ROBO3: variants seen among roughly 807,000 people sequenced by gnomAD.
The protein encoded by ROBO3 is roundabout guidance receptor 3, also known as roundabout homolog 3.
Under a neutral mutation model 160.5 loss-of-function variants are expected in ROBO3, and 97 were observed. That is an observed-to-expected ratio of 0.60 (90% CI 0.51 to 0.72). The LOEUF (loss-of-function observed/expected upper bound fraction) is 0.72, where lower values mean the gene tolerates loss of function less well. Among genes scored for constraint, ROBO3 ranks in the 30% least tolerant of loss-of-function variants. ROBO3 has a pLI of 0.00. For synonymous variants in ROBO3, 780 were observed against 746.2 expected (o/e 1.05, Z -0.74); for missense variants, 1,858 against 1,846.5 (o/e 1.01, Z -0.11).
chr11:124,880,519 A>G lies in ROBO3; in HGVS notation c.4060A>G (p.Ser1354Gly), dbSNP rs910712963. The G allele has an allele frequency of 6.3e-7, 1 of 1,581,122 alleles. No homozygotes were observed. Among genetic ancestry groups the G allele is most frequent in the African/African-American group, 1.4e-5 (1 of 73,908 alleles). ...CAGCAACTCTTCCAGGGGCTCCAGCAGCTCTAGGGGCTCCCGGGGCCCTGG... is the reference window on the plus strand; with the variant it reads ...CAGCAACTCTTCCAGGGGCTCCAGCGGCTCTAGGGGCTCCCGGGGCCCTGG... ...AGSNSSRGSSSSRGSRGPGRS... is the reference protein window; with the variant it reads ...AGSNSSRGSSGSRGSRGPGRS... The change falls in exon 27 of 28, where the codon AGC (serine) becomes GGC (glycine). Residue 1354 changes from serine to glycine, a missense_variant. Transcript: ENST00000397801.
At position 124,870,018 on chromosome 11, in the gene ROBO3, C is replaced by T. The variant is rs765531515; in HGVS notation, c.716C>T (p.Ser239Phe). ...GCAGGCATGTATGTGTGCGTAGCCT[C>T]CAACATGGCGGGAGAACGGGAGAGT... ...SDAGMYVCVA[S>F]NMAGERESAA... Residue 239 changes from serine (S) to phenylalanine (F), a missense_variant, in exon 4 of 28, where the codon TCC (serine) becomes TTC (phenylalanine). Transcript: ENST00000397801. 20 of 1,614,042 alleles carry T rather than the reference C, an allele frequency of 1.2e-5. No homozygotes were observed. The South Asian group carries it at 2.1e-4, about 17-fold the overall frequency.
chr11:124,876,730 A>G lies in ROBO3; in HGVS notation c.2779+270A>G. On this transcript the variant is annotated intron_variant, in intron 17 of 27. Transcript: ENST00000397801. This position sits in a 1 kb window ranked among gnomAD's most constrained non-coding sequence, Gnocchi z 5.3. The stretch of plus-strand genomic sequence containing the variant: ...GGCCAGGCTTTGCAACCATCTCCAT[A>G]AAGAAGGGGCAAGTTCGAGGACGGA... 7.2e-6 allele frequency: 2 copies of G among 277,902 alleles called. No individual in the cohort carries two copies. The highest frequency in any genetic ancestry group is 8.7e-5 in the East Asian group (1 of 11,444). The allele number at this position is 277,902 out of a possible 1,614,324, so 17.2% of individuals were successfully genotyped here. A position where few individuals can be genotyped will look rare whatever the true frequency, so the allele number is the denominator to read the frequency against.
In ROBO3 at chr11:124,866,086, G is replaced by C. The variant is rs573991775; in HGVS notation, c.160+349G>C. On this transcript the variant is annotated intron_variant, in intron 1 of 27. Coordinates refer to ENST00000397801, the MANE Select transcript of ROBO3 (RefSeq NM_022370.4). Reference sequence around the variant, plus strand: ...CCAGCGCAGGGAGGGCAGAGGAGGGGGCACAGTCTCCCGCCGGCCTCGGCC... The same window carrying C: ...CCAGCGCAGGGAGGGCAGAGGAGGGCGCACAGTCTCCCGCCGGCCTCGGCC... Among the ~76,000 whole-genome samples the C allele has an allele frequency of 3.9e-5, 6 of 152,332 alleles. No individual in the cohort carries two copies. In the South Asian group the frequency reaches 1.2e-3, roughly 32 times the overall value.
In ROBO3 at chr11:124,879,899, A is replaced by G; in HGVS notation, c.3909A>G (p.Lys1303=). Residue 1303 remains lysine, a synonymous_variant, in exon 26 of 28, where the codon AAA becomes AAG. Coordinates refer to ENST00000397801, the MANE Select transcript of ROBO3 (RefSeq NM_022370.4). ...SLERERSGER[K]AVQAVPLAAQ... is the part of the protein sequence containing the mutation. ...AGCGGGAGCGCAGTGGGGAGAGGAAAGCGGTCCAGGCCGTGCCCCTGGCAG... is the reference window on the plus strand; with the variant it reads ...AGCGGGAGCGCAGTGGGGAGAGGAAGGCGGTCCAGGCCGTGCCCCTGGCAG... The G allele has an allele frequency of 6.2e-7, 1 of 1,609,592 alleles. No homozygotes were observed. The highest frequency in any genetic ancestry group is 8.5e-7 in the Non-Finnish European group (1 of 1,178,396).
chr11:124,871,732 G>C (rs1303599613), intron 7 of ROBO3, among the ~76,000 whole-genome samples: 1 of 152,212 alleles, frequency 6.6e-6, no homozygotes, highest in Non-Finnish European at 1.5e-5. Context: ...GCAAGATAAA[G>C]TAAGTATGAT....
At chr11:124,880,927 C>T (rs1946566114) in intron 27 of ROBO3, among the ~76,000 whole-genome samples, 2 of 152,110 alleles carry the variant, frequency 1.3e-5, no homozygotes, top group South Asian at 4.1e-4. Context: ...GTGGTATGCT[C>T]CTGTAGTCCC....
intron 7 of ROBO3, among the ~76,000 whole-genome samples, 169 bp downstream of exon 7, chr11:124,871,307 G>T (rs1946277754): frequency 6.6e-6 from 1 of 152,208 alleles, no homozygotes; most frequent in South Asian, 2.1e-4. Flanking sequence ...AATATAAAAG[G>T]CCTGGAACAC....
At position 124,874,093 on chromosome 11, in the gene ROBO3, G is replaced by A. The variant is rs775868268; in HGVS notation, c.1808G>A (p.Arg603His). 18 of 1,613,822 alleles carry A rather than the reference G, an allele frequency of 1.1e-5. No homozygotes were observed. Among genetic ancestry groups the A allele is most frequent in the South Asian group, 6.6e-5 (6 of 91,084 alleles). Residue 603 changes from arginine to histidine, a missense_variant, in exon 12 of 28, where the codon CGT becomes CAT. By Grantham distance (29) the Arg-to-His change is conservative. Transcript: ENST00000397801. ...AGCCCAGCAGCTGGCAACACATGGC[G>A]TACTGTGGCAGATGGCGTGCAGCTG... ...AFSPAAGNTW[R>H]TVADGVQLET...
At position 124,870,193 on chromosome 11, in the gene ROBO3, G is replaced by C; in HGVS notation, c.795G>C (p.Val265=). The change falls in exon 5 of 28, where the codon GTG becomes GTC. Residue 265 remains valine, a synonymous_variant. Coordinates refer to ENST00000397801, the MANE Select transcript of ROBO3 (RefSeq NM_022370.4). ...GTCCCTCATTCCTGCGCAGACCAGT[G>C]AATCAGGTGGTCCTGGCTGATGCCC... ...LERPSFLRRP[V]NQVVLADAPV... 1 of 1,614,056 alleles carries C rather than the reference G, an allele frequency of 6.2e-7. No homozygotes were observed. Among genetic ancestry groups the C allele is most frequent in the Non-Finnish European group, 8.5e-7 (1 of 1,179,902 alleles).
intron 1 of ROBO3, among the ~76,000 whole-genome samples, chr11:124,867,442 G>T (rs768788110): frequency 3.3e-5 from 5 of 152,186 alleles, no homozygotes; most frequent in Non-Finnish European, 7.3e-5. Flanking sequence ...AGCCCTGGTT[G>T]GTTCAACAGC....
chr11:124,867,660 G>T (rs1946217480), intron 1 of ROBO3, among the ~76,000 whole-genome samples: 1 of 152,080 alleles, frequency 6.6e-6, no homozygotes. Context: ...CGCCAGCACG[G>T]GTCAGCCTGT....
intron 27 of ROBO3, 140 bp downstream of exon 27, chr11:124,880,748 GGAAT>G: frequency 9.0e-7 from 1 of 1,109,828 alleles, no homozygotes; most frequent in Non-Finnish European, 1.2e-6. Context: ...GGGGGAGGGA[GGAAT>G]CCTGTAGAAG....
chr11:124,876,139 A>C lies in ROBO3; in HGVS notation c.2593+14A>C, dbSNP rs781766163. ...TGGTGCAGCTGCGTGAGTCCACCCGAGGGCAGTGCTGAGGATCTTGACGGG... is the reference window on the plus strand; with the variant it reads ...TGGTGCAGCTGCGTGAGTCCACCCGCGGGCAGTGCTGAGGATCTTGACGGG... On this transcript the variant is annotated intron_variant, in intron 16 of 27. Transcript: ENST00000397801. The surrounding 1 kb of genome is among the most constrained non-coding windows in gnomAD (Gnocchi z 5.3). 3.8e-6 allele frequency: 6 copies of C among 1,590,714 alleles called. No individual in the cohort carries two copies. The Admixed American group carries it at 1.0e-4, about 27-fold the overall frequency.
At position 124,880,625 on chromosome 11, in the gene ROBO3, G is replaced by A. The variant is rs2135351624; in HGVS notation, c.4149+17G>A. On this transcript the variant is annotated intron_variant, in intron 27 of 27. Transcript: ENST00000397801. ...CGCCGAGAGGTAGGGGCCATAGATT[G>A]CAGAAAAATGAGGGCAGAGGACTAG... 2.0e-6 allele frequency: 3 copies of A among 1,517,176 alleles called. No homozygotes were observed. Among genetic ancestry groups the A allele is most frequent in the Non-Finnish European group, 2.6e-6 (3 of 1,134,126 alleles). 94.0% of individuals were successfully genotyped at this position (1,517,176 alleles called of 1,614,324 possible).
chr11:124,879,435 C>T (rs776893981), intron 24 of ROBO3, 30 bp from the exon 25 acceptor site: 7 of 1,610,774 alleles, frequency 4.3e-6, no homozygotes, highest in Non-Finnish European at 5.9e-6. Context: ...TGCCCTTACC[C>T]ATTCCTCTTC....
Position 124,868,794 on chromosome 11 carries a change from G to C in ROBO3, c.161-8G>C, listed in dbSNP as rs769368316. 41 of 1,603,076 alleles carry C rather than the reference G, an allele frequency of 2.6e-5. No homozygotes were observed. In the South Asian group the frequency reaches 2.7e-4, roughly 11 times the overall value. ...GTCTGAACGCTCTGCGCCACCCCCTGTCCCCAGGGTCAAGGGTAGGACCGG... is the reference window on the plus strand; with the variant it reads ...GTCTGAACGCTCTGCGCCACCCCCTCTCCCCAGGGTCAAGGGTAGGACCGG... On this transcript the variant is annotated splice_region_variant and splice_polypyrimidine_tract_variant and intron_variant, in intron 1 of 27. Coordinates refer to ENST00000397801, the MANE Select transcript of ROBO3 (RefSeq NM_022370.4).
Position 124,876,995 on chromosome 11 carries a change from A to G in ROBO3, c.2780-166A>G. 1.3e-6 allele frequency: 1 copy of G among 782,088 alleles called. No individual in the cohort carries two copies. The highest frequency in any genetic ancestry group is 2.2e-6 in the Non-Finnish European group (1 of 446,894). 48.4% of individuals were successfully genotyped at this position (782,088 alleles called of 1,614,324 possible). A position where few individuals can be genotyped will look rare whatever the true frequency, so the allele number is the denominator to read the frequency against. Reference sequence around the variant, plus strand: ...ATCACTTGAGGGGCTTGAGAAAAATACCGACACCTGAGTCCCACCCCCGAG... The same window carrying G: ...ATCACTTGAGGGGCTTGAGAAAAATGCCGACACCTGAGTCCCACCCCCGAG... On this transcript the variant is annotated intron_variant, in intron 17 of 27. Coordinates refer to ENST00000397801, the MANE Select transcript of ROBO3 (RefSeq NM_022370.4). This position sits in a 1 kb window ranked among gnomAD's most constrained non-coding sequence, Gnocchi z 5.3.
chr11:124,873,982 A>G lies in ROBO3; in HGVS notation c.1785-88A>G. ...TACCCTCTTGCAAGGGGAAGACATA[A>G]TGGTCGTTCATAGAGAGTGGATGAG... On this transcript the variant is annotated intron_variant, in intron 11 of 27. Transcript: ENST00000397801. The surrounding 1 kb of genome is among the most constrained non-coding windows in gnomAD (Gnocchi z 4.5). 6.3e-7 allele frequency: 1 copy of G among 1,586,700 alleles called. No homozygotes were observed. The highest frequency in any genetic ancestry group is 8.6e-7 in the Non-Finnish European group (1 of 1,159,296).
intron 7 of ROBO3, 34 bp downstream of exon 7, chr11:124,871,172 C>T (rs1402176539): frequency 2.5e-6 from 4 of 1,587,062 alleles, no homozygotes; most frequent in Non-Finnish European, 3.4e-6. Flanking sequence ...TTCCCATCAG[C>T]CTTCCTCTGC....
Sources: gnomAD v4.1 joint callset for allele counts (sites outside exome capture counted in the v4.1 genomes callset) on GRCh38, gnomAD v4.1.1 for gene constraint, Gnocchi (gnomAD v3.1) non-coding constraint, MANE v1.5 for transcripts, NCBI Gene and HGNC (gene_info 2026-07-23, HGNC 2026-07-21) for gene names.